The following EIF3L variants were observed in gnomAD, a reference collection of about 807,000 sequenced individuals.
EIF3L encodes eIEF associated protein HSPC021.
Under a neutral mutation model 74.6 loss-of-function variants are expected in EIF3L, and 32 were observed. That is an observed-to-expected ratio of 0.43 (90% CI 0.32 to 0.58). The LOEUF is 0.58. Among genes scored for constraint, EIF3L ranks in the 20% least tolerant of loss-of-function variants. EIF3L has a pLI of 0.06. For synonymous variants in EIF3L, 256 were observed against 254.4 expected (o/e 1.01, Z -0.06); for missense variants, 474 against 707.8 (o/e 0.67, Z 3.75).
At chr22:37,856,632 G>C (rs1925523431) in intron 4 of EIF3L, among the ~76,000 whole-genome samples, 1 of 151,872 alleles carries the variant, frequency 6.6e-6, no homozygotes. Flanking sequence ...ATCACCTGAG[G>C]TCGGGAGTTC....
In EIF3L at chr22:37,888,657, G is replaced by T; in HGVS notation, c.*193G>T. 1 of 600,068 alleles carries T rather than the reference G, an allele frequency of 1.7e-6. No individual in the cohort carries two copies. The highest frequency in any genetic ancestry group is 3.0e-6 in the Non-Finnish European group (1 of 338,222). The allele number at this position is 600,068 out of a possible 1,614,324, so 37.2% of individuals were successfully genotyped here. A position where few individuals can be genotyped will look rare whatever the true frequency, so the allele number is the denominator to read the frequency against. On this transcript the variant is annotated 3_prime_UTR_variant, in exon 13 of 13. Transcript: ENST00000652021. ...TTTGTCGTCTCATTATTGTAGGAGA[G>T]AATTTGTGGGTTGTGGCAGTAATAC...
intron 5 of EIF3L, among the ~76,000 whole-genome samples, chr22:37,860,953 C>T (rs1925823448): frequency 6.6e-6 from 1 of 152,282 alleles, no homozygotes; most frequent in East Asian, 1.9e-4. Flanking sequence ...TTCCCCCTCC[C>T]TCCCTGGGCT....
intron 12 of EIF3L, chr22:37,887,587 T>G (rs1927388643): frequency 6.6e-6 from 1 of 152,416 alleles, no homozygotes; most frequent in Non-Finnish European, 1.5e-5. Context: ...GGTTGGCCCT[T>G]TAAATTTTCA....
At chr22:37,870,407 C>T (rs1926408079) in intron 8 of EIF3L, 60 bp downstream of exon 8, 1 of 1,489,742 alleles carries the variant, frequency 6.7e-7, no homozygotes. Context: ...CCATCTGTTC[C>T]AAATGAATAG....
chr22:37,851,640 T>C, intron 3 of EIF3L, 150 bp downstream of exon 3: 2 of 620,024 alleles, frequency 3.2e-6, no homozygotes, highest in Non-Finnish European at 5.8e-6. Flanking sequence ...AGGGACATTT[T>C]ATTTTGTTAG....
rs188613551 is a variant in EIF3L at position 37,875,226 on chromosome 22, A to C, written c.907-615A>C. ...TCTGTTGAAAATACAAAAAAAAAAA[A>C]AACTAGCTGGGTATGGTGGTGGGCA... is the stretch of plus-strand genomic sequence containing the variant. On this transcript the variant is annotated intron_variant, in intron 9 of 12. Transcript: ENST00000652021. 6.6e-3 allele frequency among the ~76,000 whole-genome samples: 1,007 copies of C among 151,724 alleles called. 7 individuals carry two copies. The highest frequency in any genetic ancestry group is 9.8e-3 in the Non-Finnish European group (664 of 67,902).
chr22:37,858,213 T>G (rs1193892857), intron 4 of EIF3L, among the ~76,000 whole-genome samples: 4 of 140,532 alleles, frequency 2.8e-5, no homozygotes, highest in Non-Finnish European at 4.5e-5. Flanking sequence ...AATATTTTCT[T>G]TCTTCCTTTT....
intron 8 of EIF3L, among the ~76,000 whole-genome samples, chr22:37,871,887 A>AAC (rs1271917179): frequency 9.2e-5 from 14 of 152,002 alleles, no homozygotes; most frequent in Admixed American, 2.0e-4. Context: ...AAAAAAAAAA[A>AAC]AAAAAGATAT....
chr22:37,849,952 T>C (rs1436233421), intron 1 of EIF3L, 63 bp from the exon 2 acceptor site: 4 of 1,583,474 alleles, frequency 2.5e-6, no homozygotes, highest in South Asian at 1.1e-5. Context: ...ATCTAGACTC[T>C]AGGATGAGCG....
intron 8 of EIF3L, 104 bp downstream of exon 8, chr22:37,870,451 C>A: frequency 8.6e-7 from 1 of 1,165,942 alleles, no homozygotes; most frequent in Non-Finnish European, 1.2e-6. Context: ...GTCACCATGT[C>A]TTAGGTGGTG....
intron 12 of EIF3L, chr22:37,888,124 C>G (rs201065923): frequency 6.3e-6 from 2 of 318,568 alleles, no homozygotes; most frequent in Non-Finnish European, 1.1e-5. Flanking sequence ...CATTCTTCCC[C>G]TAACTGAACT....
At chr22:37,849,962 G>A in intron 1 of EIF3L, 53 bp from the exon 2 acceptor site, 1 of 1,603,642 alleles carries the variant, frequency 6.2e-7, no homozygotes. Context: ...TAGGATGAGC[G>A]TTTTGAATTC....
chr22:37,884,186 T>C (rs1302575166), intron 11 of EIF3L: 3 of 152,196 alleles, frequency 2.0e-5, no homozygotes, highest in Admixed American at 2.0e-4. Context: ...TTGGGTCCTT[T>C]CACTGAGCAT....
chr22:37,875,882 C>G lies in EIF3L; in HGVS notation c.948C>G (p.Tyr316Ter). The change falls in exon 10 of 13, where the codon TAC becomes TAG. Residue 316 changes from tyrosine (Y) to a stop codon, truncating the protein, a stop_gained. Transcript: ENST00000652021. LOFTEE classifies it high-confidence loss of function. ...SRVPECQVTT[Y>*]YYVGFAYLMM... The stretch of plus-strand genomic sequence containing the variant: ...TGCCAGAGTGCCAGGTCACCACATA[C>G]TATTATGTTGGGTTTGCATATTTGA... 1 of 1,614,038 alleles carries G rather than the reference C, an allele frequency of 6.2e-7. No homozygotes were observed. The highest frequency in any genetic ancestry group is 8.5e-7 in the Non-Finnish European group (1 of 1,180,022).
chr22:37,854,728 A>C (rs913571721), intron 3 of EIF3L, among the ~76,000 whole-genome samples: 6 of 152,140 alleles, frequency 3.9e-5, no homozygotes, highest in African/African-American at 1.4e-4. Context: ...CAGCCTCCCA[A>C]AGTGTTGAGA....
At chr22:37,864,305 T>A (rs1414481097) in intron 7 of EIF3L, among the ~76,000 whole-genome samples, 1 of 152,188 alleles carries the variant, frequency 6.6e-6, no homozygotes. Context: ...GCCTCTTGAC[T>A]TGGCCTCCCA....
intron 8 of EIF3L, among the ~76,000 whole-genome samples, chr22:37,873,053 A>G (rs1264572346): frequency 6.6e-6 from 1 of 151,834 alleles, no homozygotes; most frequent in Non-Finnish European, 1.5e-5. Context: ...CAGTGGCACA[A>G]TCTCTGCTCA....
chr22:37,851,390 G>T lies in EIF3L; in HGVS notation c.193G>T (p.Asp65Tyr). The change falls in exon 3 of 13, where the codon GAT (aspartate) becomes TAT (tyrosine). Residue 65 changes from aspartate (D) to tyrosine (Y), a missense_variant. Physicochemically the swap from Asp to Tyr is radical, Grantham distance 160 (BLOSUM62 -3). Coordinates refer to ENST00000652021, the MANE Select transcript of EIF3L (RefSeq NM_016091.4). Reference sequence around the variant, plus strand: ...CCAGTATTTCCACAAAACTGTCTCAGATTTGATTGACCAGAAAGTGTATGA... The same window carrying T: ...CCAGTATTTCCACAAAACTGTCTCATATTTGATTGACCAGAAAGTGTATGA... The part of the protein sequence containing the change: ...FIQYFHKTVS[D>Y]LIDQKVYELQ... 1 of 1,614,168 alleles carries T rather than the reference G, an allele frequency of 6.2e-7. No homozygotes were observed. The highest frequency in any genetic ancestry group is 8.5e-7 in the Non-Finnish European group (1 of 1,180,026).
intron 7 of EIF3L, among the ~76,000 whole-genome samples, chr22:37,864,411 A>G (rs2145815566): frequency 6.6e-6 from 1 of 152,334 alleles, no homozygotes; most frequent in South Asian, 2.1e-4. Flanking sequence ...TTTTCATCAC[A>G]ACAAGAATAT....
Sources: allele counts gnomAD v4.1 joint callset (sites outside exome capture counted in the v4.1 genomes callset), GRCh38; gene constraint gnomAD v4.1.1; transcripts MANE v1.5; gene names NCBI Gene and HGNC (gene_info 2026-07-23, HGNC 2026-07-21).